C10orf143: variants seen among roughly 807,000 people sequenced by gnomAD.
C10orf143 encodes chromosome 10 open reading frame 143.
At chr10:130,069,544 G>A (rs908270710) in intron 3 of C10orf143, among the ~76,000 whole-genome samples, 1 of 152,094 alleles carries the variant, frequency 6.6e-6, no homozygotes, top group African/African-American at 2.4e-5. Flanking sequence ...ATCTATTTTT[G>A]TGTGTTCATC....
At chr10:130,045,470 T>C (rs546063493) in intron 3 of C10orf143, among the ~76,000 whole-genome samples, 2 of 152,098 alleles carry the variant, frequency 1.3e-5, no homozygotes, top group African/African-American at 4.8e-5. Context: ...CCGCAGACAG[T>C]GGCAGCAACG....
At chr10:130,101,880 A>AAATTTTTT (rs1861562511) in intron 1 of C10orf143, among the ~76,000 whole-genome samples, 1 of 148,018 alleles carries the variant, frequency 6.8e-6, no homozygotes, top group Non-Finnish European at 1.5e-5. Context: ...AAAAAAAAAA[A>AAATTTTTT]AAAAACTTTT....
At position 130,064,214 on chromosome 10, in the gene C10orf143, C is replaced by T. The variant is rs956050995; in HGVS notation, c.*140G>A. On this transcript the variant is annotated 3_prime_UTR_variant, in exon 4 of 4. Coordinates refer to ENST00000637128, the MANE Select transcript of C10orf143 (RefSeq NM_001355042.2). ...TTACTAGAATGAAAGGACAGACAAA[C>T]CTCCCCCCACCCACAGAGGACACCG... 8 of 393,184 alleles carry T rather than the reference C, an allele frequency of 2.0e-5. No homozygotes were observed. The highest frequency in any genetic ancestry group is 1.7e-4 in the African/African-American group (8 of 48,450). 24.4% of individuals were successfully genotyped at this position (393,184 alleles called of 1,614,324 possible).
At chr10:130,107,674 C>T (rs1303811612) in intron 1 of C10orf143, 2 of 1,297,920 alleles carry the variant, frequency 1.5e-6, no homozygotes, top group East Asian at 4.7e-5. Context: ...AGGGTCCACT[C>T]AGACTCTCAC....
chr10:130,106,604 GT>G, intron 1 of C10orf143: 1 of 1,455,904 alleles, frequency 6.9e-7, no homozygotes, highest in Non-Finnish European at 9.6e-7. Context: ...CAAATCACAA[GT>G]AGCTGAAGCC....
intron 1 of C10orf143, among the ~76,000 whole-genome samples, chr10:130,080,971 A>C (rs551222232): frequency 6.6e-6 from 1 of 152,322 alleles, no homozygotes; most frequent in African/African-American, 2.4e-5. Context: ...ATCAGACAAT[A>C]AAGGGTTAAA....
intron 1 of C10orf143, among the ~76,000 whole-genome samples, chr10:130,105,210 G>C (rs539360360): frequency 6.6e-6 from 1 of 152,312 alleles, no homozygotes; most frequent in East Asian, 1.9e-4. Flanking sequence ...TAACAAGCAT[G>C]AGCCACTGCG....
intron 3 of C10orf143, among the ~76,000 whole-genome samples, chr10:130,071,210 T>C (rs1861027605): frequency 6.6e-6 from 1 of 152,194 alleles, no homozygotes; most frequent in African/African-American, 2.4e-5. Flanking sequence ...TACACTTTCT[T>C]GGGCATCTAC....
chr10:130,045,911 G>A (rs1030608681), intron 3 of C10orf143, among the ~76,000 whole-genome samples: 4 of 152,188 alleles, frequency 2.6e-5, no homozygotes, highest in African/African-American at 9.6e-5. Context: ...ACGTGCGGGG[G>A]AGAAAGGAGC....
intron 3 of C10orf143, among the ~76,000 whole-genome samples, chr10:130,048,185 C>G (rs1408955010): frequency 6.6e-6 from 1 of 152,308 alleles, no homozygotes; most frequent in South Asian, 2.1e-4. Flanking sequence ...CTTGCCAGCC[C>G]TCTGTGGATA....
intron 3 of C10orf143, among the ~76,000 whole-genome samples, chr10:130,045,557 CT>C (rs1156922620): frequency 1.3e-5 from 2 of 152,256 alleles, no homozygotes; most frequent in African/African-American, 4.8e-5. Context: ...CGAGGCGCCC[CT>C]GGGAGCTGCC....
chr10:130,071,016 A>G (rs1174729135), intron 3 of C10orf143, among the ~76,000 whole-genome samples: 1 of 152,190 alleles, frequency 6.6e-6, no homozygotes, highest in Non-Finnish European at 1.5e-5. Context: ...CACAGGCTCA[A>G]GTGATTCTCT....
chr10:130,037,570 G>C (rs76574863), intron 3 of C10orf143, among the ~76,000 whole-genome samples: 1 of 152,190 alleles, frequency 6.6e-6, no homozygotes, highest in Non-Finnish European at 1.5e-5. Flanking sequence ...GCACACCCCA[G>C]GGAGGGCAGC....
intron 2 of C10orf143, 39 bp from the exon 3 acceptor site, chr10:130,079,667 T>C (rs1045492693): frequency 2.5e-6 from 1 of 398,932 alleles, no homozygotes; most frequent in Non-Finnish European, 4.4e-6. Context: ...ATCAGAACAA[T>C]GATTATTTAC....
At chr10:130,040,201 AG>A (rs1241356287) in intron 3 of C10orf143, among the ~76,000 whole-genome samples, 5 of 152,098 alleles carry the variant, frequency 3.3e-5, no homozygotes, top group Admixed American at 2.6e-4. Context: ...CCATGCCCCC[AG>A]CCCCCAGTCC....
downstream of C10orf143, among the ~76,000 whole-genome samples, chr10:130,061,535 C>T (rs1860857606): frequency 1.3e-5 from 2 of 152,124 alleles, no homozygotes; most frequent in Non-Finnish European, 2.9e-5. Context: ...ACATTTTTAG[C>T]CCCTATATCC....
chr10:130,093,944 AGCTTG>A (rs1303059322), intron 1 of C10orf143, among the ~76,000 whole-genome samples: 1 of 151,140 alleles, frequency 6.6e-6, no homozygotes, highest in African/African-American at 2.4e-5. Flanking sequence ...CGGGAGGCGG[AGCTTG>A]CAGTAAGCCA....
intron 3 of C10orf143, among the ~76,000 whole-genome samples, chr10:130,045,547 C>T (rs1192792026): frequency 1.3e-5 from 2 of 152,238 alleles, no homozygotes; most frequent in East Asian, 3.9e-4. Context: ...CCCAAAACCG[C>T]GAGGCGCCCC....
chr10:130,096,270 T>C (rs1861460297), intron 1 of C10orf143, among the ~76,000 whole-genome samples: 1 of 151,850 alleles, frequency 6.6e-6, no homozygotes, highest in South Asian at 2.1e-4. Context: ...AGAACGGTGA[T>C]CATTAAAAAG....
Sources: gnomAD v4.1 joint callset for allele counts (sites outside exome capture counted in the v4.1 genomes callset) on GRCh38, gnomAD v4.1.1 for gene constraint, MANE v1.5 for transcripts, NCBI Gene and HGNC (gene_info 2026-07-23, HGNC 2026-07-21) for gene names.